The following LTBP1 variants were observed in gnomAD, a reference collection of about 807,000 sequenced individuals.
LTBP1 encodes latent-transforming growth factor beta-binding protein 1.
LTBP1 carries 129 observed loss-of-function variants against 207.6 expected under a neutral mutation model. That is an observed-to-expected ratio of 0.62 (90% confidence interval 0.54 to 0.72). The LOEUF is 0.72. LTBP1 is among the 30% of genes least tolerant of loss of function. The pLI, the probability that LTBP1 is intolerant of heterozygous loss-of-function variation, is 0.00. For missense variants in LTBP1, 2,281 were observed against 2,217.2 expected, an observed-to-expected ratio of 1.03 and a Z score of -0.58; for synonymous variants, 963 against 833.7, an observed-to-expected ratio of 1.16 and a Z score of -2.67.
intron 5 of LTBP1, among the ~76,000 whole-genome samples, chr2:33,180,137 A>G (rs1430115502): frequency 1.3e-5 from 2 of 152,214 alleles, no homozygotes; most frequent in Non-Finnish European, 2.9e-5. Flanking sequence ...TTCCTTGGAC[A>G]GGTTGTTCTG....
rs219100 is a variant in LTBP1 at position 33,084,816 on chromosome 2, G to A, written c.864-25766G>A. 7.9e-5 allele frequency among the ~76,000 whole-genome samples: 12 copies of A among 152,274 alleles called. 2 individuals are homozygous for A. Among genetic ancestry groups the A allele is most frequent in the Middle Eastern group, 3.4e-3 (1 of 294 alleles). On this transcript the variant is annotated intron_variant, in intron 3 of 33. Transcript: ENST00000404816. ...CCAGCTCGGTCCGTCCCACAGCTGC[G>A]GGGTAGAGTCCACCATGATCCAGTT...
intron 2 of LTBP1, among the ~76,000 whole-genome samples, chr2:33,007,699 T>C (rs1687122780): frequency 6.6e-6 from 1 of 152,228 alleles, no homozygotes; most frequent in African/African-American, 2.4e-5. Flanking sequence ...AAATGTGACT[T>C]GCCTCTCAAG....
chr2:33,196,736 T>A lies in LTBP1; in HGVS notation c.1701+7885T>A, dbSNP rs921674664. Among the ~76,000 whole-genome samples the A allele has an allele frequency of 3.3e-5, 5 of 152,222 alleles. No individual in the cohort carries two copies. In the South Asian group the frequency reaches 6.2e-4, roughly 19 times the overall value. ...CTTAGCAGGGAGGATTGTGAGAAGA[T>A]GAGCAATGACATCTTTGTTACAAGC... On this transcript the variant is annotated intron_variant, in intron 7 of 33. Coordinates refer to ENST00000404816, the MANE Select transcript of LTBP1 (RefSeq NM_206943.4).
intron 7 of LTBP1, among the ~76,000 whole-genome samples, chr2:33,215,404 A>C (rs1179572395): frequency 6.6e-6 from 1 of 152,330 alleles, no homozygotes; most frequent in African/African-American, 2.4e-5. Flanking sequence ...GAGAGCACAC[A>C]GCATCCTGTT....
intron 7 of LTBP1, among the ~76,000 whole-genome samples, chr2:33,200,849 T>G (rs1211196852): frequency 6.6e-6 from 1 of 152,176 alleles, no homozygotes; most frequent in Non-Finnish European, 1.5e-5. Context: ...AAGAAGACAT[T>G]TATGGAGCCA....
intron 9 of LTBP1, among the ~76,000 whole-genome samples, chr2:33,240,326 G>A (rs1468108888): frequency 1.3e-5 from 2 of 152,258 alleles, no homozygotes; most frequent in South Asian, 2.1e-4. Context: ...CACCTATCAC[G>A]TTCCAAACAG....
intron 24 of LTBP1, among the ~76,000 whole-genome samples, chr2:33,318,903 T>C (rs905420659): frequency 6.6e-6 from 1 of 152,250 alleles, no homozygotes; most frequent in African/African-American, 2.4e-5. Context: ...TCATCAAGCC[T>C]GGGCAACATA....
intron 4 of LTBP1, among the ~76,000 whole-genome samples, chr2:33,120,178 A>G (rs904231371): frequency 2.0e-5 from 3 of 152,144 alleles, no homozygotes. Flanking sequence ...TCAATCAAGT[A>G]TATATGTGTG....
chr2:33,133,771 G>A (rs1024417585), intron 4 of LTBP1, among the ~76,000 whole-genome samples: 2 of 152,210 alleles, frequency 1.3e-5, no homozygotes, highest in African/African-American at 4.8e-5. Flanking sequence ...CTCTGATAGA[G>A]ACGTTGAAAG....
chr2:33,270,376 T>A (rs1258494231), intron 15 of LTBP1, among the ~76,000 whole-genome samples: 2 of 151,620 alleles, frequency 1.3e-5, no homozygotes, highest in Non-Finnish European at 2.9e-5. Context: ...GATCGCAAGG[T>A]CAAGAGATGG....
intron 2 of LTBP1, among the ~76,000 whole-genome samples, chr2:33,007,191 A>G (rs1687029701): frequency 6.6e-6 from 1 of 152,112 alleles, no homozygotes; most frequent in African/African-American, 2.4e-5. Flanking sequence ...CAGCCTCCCA[A>G]GTAGGTCTCG....
At chr2:33,263,474 T>C in intron 15 of LTBP1, 82 bp downstream of exon 15, 1 of 998,950 alleles carries the variant, frequency 1.0e-6, no homozygotes, top group Non-Finnish European at 1.5e-6. Context: ...ATCCATTATA[T>C]AAGCTTGCTC....
In LTBP1 at chr2:33,347,704, G is replaced by T. The variant is rs182069157; in HGVS notation, c.4000+194G>T. Among the ~76,000 whole-genome samples, 3 of 152,294 alleles carry T rather than the reference G, an allele frequency of 2.0e-5. No homozygotes were observed. In the East Asian group the frequency reaches 5.8e-4, roughly 29 times the overall value. On this transcript the variant is annotated intron_variant, in intron 26 of 33. Transcript: ENST00000404816. The stretch of plus-strand genomic sequence containing the variant: ...ATTAAGATGTGGGTGATGACTCTTT[G>T]GGCTAGATGGCCTCTAATGTTCTAT...
chr2:33,279,835 T>C lies in LTBP1; in HGVS notation c.2993-204T>C, dbSNP rs142233332. On this transcript the variant is annotated intron_variant, in intron 18 of 33. Transcript: ENST00000404816. The stretch of plus-strand genomic sequence containing the variant: ...GGGCCAGGTTCTTCCTTGGAATGTA[T>C]GCAAATATTTTAATCCAGGTATGCT... Among the ~76,000 whole-genome samples the C allele has an allele frequency of 9.9e-3, 1,508 of 152,330 alleles. 12 individuals carry two copies. Among genetic ancestry groups the C allele is most frequent in the Non-Finnish European group, 0.016 (1,096 of 68,028 alleles).
intron 22 of LTBP1, among the ~76,000 whole-genome samples, chr2:33,307,097 A>G (rs1573746555): frequency 1.3e-5 from 2 of 152,208 alleles, no homozygotes; most frequent in East Asian, 3.8e-4. Context: ...AAAACAAAAC[A>G]AAACATAACT....
At chr2:33,091,350 A>T (rs1400545191) in intron 3 of LTBP1, among the ~76,000 whole-genome samples, 1 of 152,112 alleles carries the variant, frequency 6.6e-6, no homozygotes. Context: ...TTGTGTTAAT[A>T]CTAGTAGTAA....
chr2:33,334,643 G>T (rs6543706), intron 24 of LTBP1, among the ~76,000 whole-genome samples: 25,914 of 152,052 alleles, frequency 0.17, 3,442 homozygotes, highest in African/African-American at 0.37. Context: ...TTTTTAGGAT[G>T]GTTTCCAACA....
Position 33,359,426 on chromosome 2 carries a change from G to C in LTBP1, c.4001-1171G>C, listed in dbSNP as rs925845756. 6.6e-5 allele frequency among the ~76,000 whole-genome samples: 10 copies of C among 152,128 alleles called. No homozygotes were observed. The East Asian group carries it at 1.9e-3, about 29-fold the overall frequency. ...AAAAATAAACATATAGGAAGCTATT[G>C]TAAAAATAATTTATTTAATTTCCTT... On this transcript the variant is annotated intron_variant, in intron 26 of 33. Transcript: ENST00000404816.
At chr2:33,036,600 G>T (rs1216254938) in intron 3 of LTBP1, among the ~76,000 whole-genome samples, 4 of 152,092 alleles carry the variant, frequency 2.6e-5, no homozygotes, top group African/African-American at 9.7e-5. Flanking sequence ...TGGGATTACA[G>T]GTGTGTGCCA....
Sources: gnomAD v4.1 joint callset for allele counts (sites outside exome capture counted in the v4.1 genomes callset) on GRCh38, gnomAD v4.1.1 for gene constraint, MANE v1.5 for transcripts, NCBI Gene and HGNC (gene_info 2026-07-23, HGNC 2026-07-21) for gene names.